Variants in FCAR observed in about 807,000 individuals in gnomAD.
The protein encoded by FCAR is Fc alpha receptor, also known as immunoglobulin alpha Fc receptor.
Under a neutral mutation model 27.1 loss-of-function variants are expected in FCAR, and 21 were observed. The observed-to-expected ratio is 0.77, with a 90% CI of 0.55 to 1.11. The LOEUF (loss-of-function observed/expected upper bound fraction) is 1.11, where lower values mean the gene tolerates loss of function less well. Among genes scored for constraint, FCAR ranks in the 50% most tolerant of loss-of-function variants. FCAR has a pLI of 0.00. For synonymous variants in FCAR, 134 were observed against 135.8 expected (o/e 0.99, Z 0.09); for missense variants, 404 against 358.4 (o/e 1.13, Z -1.03).
chr19:54,888,409 C>T, intron 4 of FCAR, 115 bp downstream of exon 4: 1 of 1,485,658 alleles, frequency 6.7e-7, no homozygotes, highest in Non-Finnish European at 9.0e-7. Context: ...AAGGCTCTCA[C>T]TCCAGGACAG....
chr19:54,889,673 C>A lies in FCAR; in HGVS notation c.674C>A (p.Thr225Lys), dbSNP rs754594457. The stretch of plus-strand genomic sequence containing the variant: ...GACTCCATCCACCAAGATTACACGA[C>A]GCAGAACTTGATCCGCATGGCCGTG... ...VTDSIHQDYT[T>K]QNLIRMAVAG... Residue 225 changes from threonine (T) to lysine (K), a missense_variant, in exon 5 of 5, where the codon ACG becomes AAG. Physicochemically the swap from Thr to Lys is moderately conservative, Grantham distance 78 (BLOSUM62 -1). Transcript: ENST00000355524. 3.7e-6 allele frequency: 6 copies of A among 1,613,952 alleles called. No homozygotes were observed. In the African/African-American group the frequency reaches 6.7e-5, roughly 18 times the overall value.
chr19:54,882,730 C>T (rs1041132011), intron 2 of FCAR, among the ~76,000 whole-genome samples: 15 of 152,108 alleles, frequency 9.9e-5, no homozygotes, highest in Non-Finnish European at 1.6e-4. Flanking sequence ...TGAGCCACCG[C>T]GCCCGGCCTT....
intron 2 of FCAR, 39 bp from the exon 3 acceptor site, chr19:54,885,196 A>G (rs2066634606): frequency 1.3e-6 from 2 of 1,562,966 alleles, no homozygotes; most frequent in Non-Finnish European, 8.7e-7. Flanking sequence ...TGGCTTCCCC[A>G]TGGCAAGCCA....
chr19:54,877,916 A>ATTT (rs757104692), intron 2 of FCAR, among the ~76,000 whole-genome samples: 27,089 of 142,862 alleles, frequency 0.19, 3,043 homozygotes, highest in South Asian at 0.36. Flanking sequence ...TTTGCTAAGG[A>ATTT]TTGTTTTTTT....
In FCAR at chr19:54,875,210, G is replaced by A. The variant is rs2066025846; in HGVS notation, c.35-120G>A. 5.4e-6 allele frequency: 4 copies of A among 737,514 alleles called. No homozygotes were observed. The East Asian group carries it at 8.1e-5, about 15-fold the overall frequency. 45.7% of individuals were successfully genotyped at this position (737,514 alleles called of 1,614,324 possible). On this transcript the variant is annotated intron_variant, in intron 1 of 4. Transcript: ENST00000355524. The stretch of plus-strand genomic sequence containing the variant: ...ATGCCAGCTCTTCTTTATATATCTG[G>A]TGGGATTGAGCTGTGAATCCATCTG...
intron 2 of FCAR, among the ~76,000 whole-genome samples, chr19:54,877,330 G>A (rs1325195064): frequency 6.6e-6 from 1 of 152,152 alleles, no homozygotes; most frequent in Non-Finnish European, 1.5e-5. Flanking sequence ...GATCTCAGGA[G>A]GGTGTATGTG....
rs2067057518 is a variant in FCAR at position 54,891,217 on chromosome 19, T to C, written c.*1354T>C. On this transcript the variant is annotated 3_prime_UTR_variant, in exon 5 of 5. Transcript: ENST00000355524. ...AATCTAAGTTGGTCATATGTGGCTC[T>C]TTCACTGATTGCTATTTACTTCATT... The C allele has an allele frequency of 6.6e-6, 1 of 152,212 alleles. No individual in the cohort carries two copies. Among genetic ancestry groups the C allele is most frequent in the Non-Finnish European group, 1.5e-5 (1 of 68,042 alleles). The allele number at this position is 152,212 out of a possible 1,614,324, so 9.4% of individuals were successfully genotyped here.
At chr19:54,878,751 A>AT (rs57738807) in intron 2 of FCAR, among the ~76,000 whole-genome samples, 14,802 of 121,524 alleles carry the variant, frequency 0.12, 1,042 homozygotes, top group African/African-American at 0.19. Flanking sequence ...CAGCTCCTGC[A>AT]TTTTTTTTTT....
chr19:54,882,053 A>G (rs587728170), intron 2 of FCAR, among the ~76,000 whole-genome samples: 1 of 152,208 alleles, frequency 6.6e-6, no homozygotes, highest in East Asian at 2.0e-4. Flanking sequence ...GCCACTCCCC[A>G]GGGAAACACG....
In FCAR at chr19:54,879,903, T is replaced by A. The variant is rs587767187; in HGVS notation, c.70+4538T>A. ...GGTTTCACCATGTTAGCCAGGATGG[T>A]CTCAATCTCCTGACCTCGTGATCCG... On this transcript the variant is annotated intron_variant, in intron 2 of 4. Coordinates refer to ENST00000355524, the MANE Select transcript of FCAR (RefSeq NM_002000.4). Among the ~76,000 whole-genome samples the A allele has an allele frequency of 2.6e-4, 39 of 152,270 alleles. No individual in the cohort carries two copies. In the East Asian group the frequency reaches 7.0e-3, roughly 27 times the overall value.
intron 2 of FCAR, among the ~76,000 whole-genome samples, chr19:54,884,803 T>A (rs896983057): frequency 2.4e-5 from 3 of 126,678 alleles, no homozygotes; most frequent in Non-Finnish European, 5.2e-5. Context: ...TCTCTTTTTT[T>A]AATTTTTTTG....
chr19:54,879,984 C>T (rs887994463), intron 2 of FCAR, among the ~76,000 whole-genome samples: 4 of 152,174 alleles, frequency 2.6e-5, no homozygotes, highest in Non-Finnish European at 4.4e-5. Context: ...CGCGCCCGGC[C>T]GACATTTCTT....
At chr19:54,874,906 C>T (rs1211202895) in intron 1 of FCAR, among the ~76,000 whole-genome samples, 1 of 152,106 alleles carries the variant, frequency 6.6e-6, no homozygotes, top group Non-Finnish European at 1.5e-5. Context: ...CGCAGTGGCT[C>T]ACACCTGCAA....
chr19:54,876,794 A>G (rs76859078), intron 2 of FCAR, among the ~76,000 whole-genome samples: 36,092 of 151,786 alleles, frequency 0.24, 4,709 homozygotes, highest in South Asian at 0.37. Flanking sequence ...GGTGGTGGGC[A>G]CCTGTAGTCC....
At chr19:54,887,065 C>T (rs1223825648) in intron 3 of FCAR, among the ~76,000 whole-genome samples, 3 of 103,954 alleles carry the variant, frequency 2.9e-5, no homozygotes, top group Non-Finnish European at 4.2e-5. Context: ...CCTGTAATCC[C>T]AGCACTTTGA....
intron 2 of FCAR, among the ~76,000 whole-genome samples, chr19:54,882,671 T>A (rs2066491115): frequency 6.6e-6 from 1 of 152,120 alleles, no homozygotes. Context: ...ACTCTTGACC[T>A]CCGGTGATCT....
chr19:54,877,429 G>A (rs587701002), intron 2 of FCAR, among the ~76,000 whole-genome samples: 1 of 152,138 alleles, frequency 6.6e-6, no homozygotes, highest in African/African-American at 2.4e-5. Context: ...TTTCTGTGGG[G>A]TGAGTGGTAA....
At chr19:54,889,540 C>A in intron 4 of FCAR, 109 bp from the exon 5 acceptor site, 1 of 819,808 alleles carries the variant, frequency 1.2e-6, no homozygotes, top group Non-Finnish European at 2.1e-6. Flanking sequence ...TTGAGGGAGT[C>A]CCATTTTGGC....
At chr19:54,874,958 C>T (rs2066006865) in intron 1 of FCAR, among the ~76,000 whole-genome samples, 1 of 152,028 alleles carries the variant, frequency 6.6e-6, no homozygotes. Flanking sequence ...ATCACAAGGT[C>T]AGGAGATCAA....
Sources: allele counts gnomAD v4.1 joint callset (sites outside exome capture counted in the v4.1 genomes callset), GRCh38; gene constraint gnomAD v4.1.1; transcripts MANE v1.5; gene names NCBI Gene and HGNC (gene_info 2026-07-23, HGNC 2026-07-21).